UBASH3A: variants seen among roughly 807,000 people sequenced by gnomAD.
UBASH3A encodes ubiquitin-associated and SH3 domain-containing protein A.
A neutral mutation model predicts 73.5 loss-of-function variants in UBASH3A; 63 were observed. That is an observed-to-expected ratio of 0.86 (90% CI 0.70 to 1.06). The LOEUF (loss-of-function observed/expected upper bound fraction) is 1.06, where lower values mean the gene tolerates loss of function less well. Among genes scored for constraint, UBASH3A ranks in the 50% least tolerant of loss-of-function variants. The pLI is 0.00. For missense variants in UBASH3A, 860 were observed against 859.0 expected (o/e 1.00, Z -0.02); for synonymous variants, 363 against 351.1 (o/e 1.03, Z -0.38).
chr21:42,433,409 C>T (rs984713238), intron 9 of UBASH3A, among the ~76,000 whole-genome samples: 4 of 152,164 alleles, frequency 2.6e-5, no homozygotes, highest in Non-Finnish European at 5.9e-5. Context: ...GCCCAGGCAC[C>T]CACATCCTCA....
intron 13 of UBASH3A, among the ~76,000 whole-genome samples, chr21:42,444,205 C>A (rs933713648): frequency 1.3e-5 from 2 of 152,208 alleles, no homozygotes; most frequent in African/African-American, 4.8e-5. Flanking sequence ...TAAAGTGAAT[C>A]AGGTCTGGCT....
chr21:42,409,530 G>C lies in UBASH3A; in HGVS notation c.276G>C (p.Trp92Cys), dbSNP rs2053048321. Reference sequence around the variant, plus strand: ...TGCTGGAAAAACTTCAAGAGTTCTGGAGAGAGAGCAAGCGCCAGTGTGCAA... The same window carrying C: ...TGCTGGAAAAACTTCAAGAGTTCTGCAGAGAGAGCAAGCGCCAGTGTGCAA... ...GPLLEKLQEF[W>C]RESKRQCAKN... is the part of the protein sequence containing the mutation. Residue 92 changes from tryptophan (W) to cysteine (C), a missense_variant, in exon 3 of 15, where the codon TGG becomes TGC. By Grantham distance (215) the Trp-to-Cys change is radical. Transcript: ENST00000319294. 3 of 1,614,000 alleles carry C rather than the reference G, an allele frequency of 1.9e-6. No individual in the cohort carries two copies. Among genetic ancestry groups the C allele is most frequent in the Non-Finnish European group, 2.5e-6 (3 of 1,180,028 alleles).
chr21:42,416,885 G>A (rs3746930), intron 6 of UBASH3A, among the ~76,000 whole-genome samples: 27,738 of 151,994 alleles, frequency 0.18, 3,270 homozygotes, highest in African/African-American at 0.33. Context: ...GCGAGTGGAG[G>A]TAGCATCACT....
At chr21:42,412,967 A>T in intron 3 of UBASH3A, 57 bp from the exon 4 acceptor site, 3 of 1,380,528 alleles carry the variant, frequency 2.2e-6, no homozygotes, top group Non-Finnish European at 3.1e-6. Flanking sequence ...TAATTAAATT[A>T]ATAGATGACT....
chr21:42,432,285 C>T (rs949433654), intron 9 of UBASH3A, 83 bp downstream of exon 9: 2 of 903,000 alleles, frequency 2.2e-6, no homozygotes, highest in Non-Finnish European at 3.5e-6. Context: ...CCTTACATGG[C>T]ACCAGATCCC....
intron 14 of UBASH3A, 43 bp downstream of exon 14, chr21:42,444,686 T>C (rs1362446992): frequency 7.0e-7 from 1 of 1,433,314 alleles, no homozygotes; most frequent in East Asian, 2.3e-5. Context: ...AAATCAAGCA[T>C]CCCGAAGACA....
intron 9 of UBASH3A, among the ~76,000 whole-genome samples, chr21:42,432,548 A>G (rs181355707): frequency 1.6e-4 from 25 of 152,350 alleles, no homozygotes; most frequent in African/African-American, 4.3e-4. Flanking sequence ...ATAAATACAC[A>G]TACCCACAAG....
At chr21:42,404,153 C>A in intron 1 of UBASH3A, 95 bp downstream of exon 1, 1 of 608,074 alleles carries the variant, frequency 1.6e-6, no homozygotes, top group Non-Finnish European at 2.5e-6. Context: ...GTGTAGGGTA[C>A]GGCTTCCTGC....
At chr21:42,408,883 AAAAATAAAATAAAATAAAAT>A (rs537094372) in intron 2 of UBASH3A, among the ~76,000 whole-genome samples, 1,518 of 115,414 alleles carry the variant, frequency 0.013, 13 homozygotes, top group Middle Eastern at 0.031. Context: ...ACTCCATCTC[AAAAATAAAATAAAATAAAAT>A]AAAATAAAAT....
intron 8 of UBASH3A, among the ~76,000 whole-genome samples, chr21:42,430,630 C>T (rs543786617): frequency 6.6e-6 from 1 of 152,308 alleles, no homozygotes; most frequent in Admixed American, 6.5e-5. Flanking sequence ...CCCCAGAAGG[C>T]CCCACAGCCC....
intron 7 of UBASH3A, among the ~76,000 whole-genome samples, chr21:42,421,434 T>C (rs189209044): frequency 6.6e-6 from 1 of 152,350 alleles, no homozygotes; most frequent in Non-Finnish European, 1.5e-5. Context: ...AAAACCATTT[T>C]ATATTTCACT....
intron 6 of UBASH3A, among the ~76,000 whole-genome samples, chr21:42,416,874 A>G (rs2053223061): frequency 6.6e-6 from 1 of 152,142 alleles, no homozygotes; most frequent in South Asian, 2.1e-4. Flanking sequence ...CGGAGCTTGC[A>G]GCGAGTGGAG....
At chr21:42,425,888 G>A (rs115110601) in intron 7 of UBASH3A, among the ~76,000 whole-genome samples, 320 of 152,314 alleles carry the variant, frequency 2.1e-3, no homozygotes, top group African/African-American at 7.1e-3. Context: ...AACTGTGGTG[G>A]TGTGTCAGTT....
At chr21:42,443,232 T>G (rs2053780174) in intron 12 of UBASH3A, 80 bp from the exon 13 acceptor site, 7 of 1,485,332 alleles carry the variant, frequency 4.7e-6, no homozygotes, top group Non-Finnish European at 4.5e-6. Context: ...AACGTTCTCC[T>G]TCCCCAGCTA....
chr21:42,435,030 G>A, intron 10 of UBASH3A, 76 bp downstream of exon 10: 1 of 1,555,394 alleles, frequency 6.4e-7, no homozygotes, highest in South Asian at 1.2e-5. Flanking sequence ...CATCCAGCCT[G>A]AGCCCTAGCT....
At position 42,438,164 on chromosome 21, in the gene UBASH3A, C is replaced by T. The variant is rs184888887; in HGVS notation, c.1486+584C>T. On this transcript the variant is annotated intron_variant, in intron 11 of 14. Transcript: ENST00000319294. ...TTGTCTGGGAAGAGGGATAAGATCT[C>T]GGTCCCCAGGCAGGGACTGGCCGTG... is the stretch of plus-strand genomic sequence containing the variant. Among the ~76,000 whole-genome samples, 394 of 152,300 alleles carry T rather than the reference C, an allele frequency of 2.6e-3. 6 individuals carry two copies. Among genetic ancestry groups the T allele is most frequent in the Non-Finnish European group, 2.9e-3 (199 of 68,024 alleles).
At chr21:42,445,202 G>T (rs1392998901) in intron 14 of UBASH3A, among the ~76,000 whole-genome samples, 1 of 152,222 alleles carries the variant, frequency 6.6e-6, no homozygotes, top group Non-Finnish European at 1.5e-5. Flanking sequence ...AAGCCAGAGG[G>T]TGATGTCCAG....
At position 42,413,261 on chromosome 21, in the gene UBASH3A, T is replaced by C; in HGVS notation, c.553+39T>C. The C allele has an allele frequency of 6.2e-7, 1 of 1,608,494 alleles. No homozygotes were observed. Among genetic ancestry groups the C allele is most frequent in the South Asian group, 1.1e-5 (1 of 90,940 alleles). On this transcript the variant is annotated intron_variant, in intron 4 of 14. Coordinates refer to ENST00000319294, the MANE Select transcript of UBASH3A (RefSeq NM_018961.4). The surrounding 1 kb of genome is among the most constrained non-coding windows in gnomAD (Gnocchi z 4.5). The stretch of plus-strand genomic sequence containing the variant: ...GCCAGTTGCAAACACAGGGCTGGAT[T>C]CACAGTGAGTGAGCCCTCTGTGGCA...
chr21:42,442,952 GC>G, intron 12 of UBASH3A, among the ~76,000 whole-genome samples: 1 of 152,162 alleles, frequency 6.6e-6, no homozygotes, highest in Non-Finnish European at 1.5e-5. Context: ...GGAGGTTCTT[GC>G]TAAACTCACT....
Sources: gnomAD v4.1 joint callset for allele counts (sites outside exome capture counted in the v4.1 genomes callset) on GRCh38, gnomAD v4.1.1 for gene constraint, Gnocchi (gnomAD v3.1) non-coding constraint, MANE v1.5 for transcripts, NCBI Gene and HGNC (gene_info 2026-07-23, HGNC 2026-07-21) for gene names.